The following DENND1B variants were observed in gnomAD, a reference collection of about 807,000 sequenced individuals.
DENND1B encodes the protein DENN domain-containing protein 1B.
A neutral mutation model predicts 90.1 loss-of-function variants in DENND1B; 59 were observed. That is an observed-to-expected ratio of 0.65 (90% CI 0.53 to 0.81). The LOEUF (loss-of-function observed/expected upper bound fraction) is 0.81. Among genes scored for constraint, DENND1B ranks in the 40% least tolerant of loss-of-function variants. The pLI, the probability that DENND1B is intolerant of heterozygous loss-of-function variation, is 0.00. For synonymous variants in DENND1B, 337 were observed against 324.6 expected (o/e 1.04, Z -0.41); for missense variants, 862 against 912.6 (o/e 0.94, Z 0.71).
chr1:197,713,760 A>ATATT (rs1558432424), intron 3 of DENND1B, among the ~76,000 whole-genome samples: 12 of 67,778 alleles, frequency 1.8e-4, no homozygotes, highest in African/African-American at 6.5e-4. Flanking sequence ...AAAAAAAAAT[A>ATATT]ATTATATTAT....
chr1:197,593,487 A>C (rs1675421979), intron 14 of DENND1B, among the ~76,000 whole-genome samples: 1 of 152,006 alleles, frequency 6.6e-6, no homozygotes. Context: ...CTAAGATAAA[A>C]TTAAACATTT....
chr1:197,726,478 C>T (rs1350047517), intron 2 of DENND1B, among the ~76,000 whole-genome samples: 2 of 152,132 alleles, frequency 1.3e-5, no homozygotes, highest in Non-Finnish European at 2.9e-5. Context: ...GGATATACTT[C>T]AAACAATGGG....
intron 2 of DENND1B, among the ~76,000 whole-genome samples, chr1:197,768,331 A>G (rs1356302119): frequency 6.6e-6 from 1 of 152,170 alleles, no homozygotes; most frequent in Non-Finnish European, 1.5e-5. Context: ...ATTAAAAAAG[A>G]GAAAGCTAGA....
intron 9 of DENND1B, among the ~76,000 whole-genome samples, chr1:197,643,748 T>G (rs1680489545): frequency 6.6e-6 from 1 of 152,224 alleles, no homozygotes; most frequent in African/African-American, 2.4e-5. Flanking sequence ...AATTGATTCC[T>G]TAATTTAGCA....
intron 15 of DENND1B, among the ~76,000 whole-genome samples, chr1:197,577,920 A>G (rs1673831746): frequency 6.6e-6 from 1 of 152,234 alleles, no homozygotes; most frequent in Non-Finnish European, 1.5e-5. Context: ...GAGGTTAAGA[A>G]GTCAACTGTC....
intron 22 of DENND1B, 87 bp downstream of exon 22, chr1:197,511,641 T>C (rs780790083): frequency 7.5e-5 from 78 of 1,040,086 alleles, no homozygotes; most frequent in Non-Finnish European, 1.0e-4. Flanking sequence ...TAAATGCTTC[T>C]ACCAACAAAG....
At chr1:197,512,775 C>G (rs1187099055) in intron 21 of DENND1B, 96 bp downstream of exon 21, 4 of 1,078,272 alleles carry the variant, frequency 3.7e-6, no homozygotes, top group Non-Finnish European at 5.4e-6. Flanking sequence ...AACATCTGAG[C>G]TCTAAGAGTG....
chr1:197,576,629 A>G (rs1361508892), intron 15 of DENND1B, among the ~76,000 whole-genome samples: 2 of 152,188 alleles, frequency 1.3e-5, no homozygotes, highest in African/African-American at 4.8e-5. Flanking sequence ...AATGTTTTGG[A>G]AAAATGCAGA....
chr1:197,722,995 C>T (rs1297574626), intron 2 of DENND1B, among the ~76,000 whole-genome samples: 1 of 152,058 alleles, frequency 6.6e-6, no homozygotes, highest in Non-Finnish European at 1.5e-5. Flanking sequence ...GTTTTTGAAA[C>T]TCAAACCTTA....
intron 20 of DENND1B, among the ~76,000 whole-genome samples, chr1:197,530,340 A>G (rs1158648328): frequency 6.6e-6 from 1 of 152,206 alleles, no homozygotes; most frequent in Non-Finnish European, 1.5e-5. Flanking sequence ...TCTCTCACTG[A>G]CAAGTCTAGC....
intron 14 of DENND1B, among the ~76,000 whole-genome samples, chr1:197,591,833 G>T (rs772692612): frequency 1.3e-5 from 2 of 151,984 alleles, no homozygotes; most frequent in Non-Finnish European, 2.9e-5. Flanking sequence ...TATCACGGCC[G>T]GGCGCGGTAG....
At position 197,642,522 on chromosome 1, in the gene DENND1B, T is replaced by C. The variant is rs541386465; in HGVS notation, c.672+189A>G. ...AGAAAAAATAATTAACCTGACTTAA[T>C]GCATCTGAGAAGGCTTCCTATAAAT... On this transcript the variant is annotated intron_variant, in intron 10 of 22. Coordinates refer to ENST00000620048, the MANE Select transcript of DENND1B (RefSeq NM_001195215.2). 3.3e-5 allele frequency among the ~76,000 whole-genome samples: 5 copies of C among 152,332 alleles called. No homozygotes were observed. The South Asian group carries it at 1.0e-3, about 32-fold the overall frequency.
At chr1:197,773,054 C>A in intron 1 of DENND1B, 122 bp from the exon 2 acceptor site, 19 of 791,148 alleles carry the variant, frequency 2.4e-5, no homozygotes, top group Non-Finnish European at 3.2e-5. Context: ...GACTGTATTA[C>A]TACAGTATAG....
At chr1:197,608,699 TAG>T (rs1262447658) in intron 12 of DENND1B, among the ~76,000 whole-genome samples, 3 of 150,550 alleles carry the variant, frequency 2.0e-5, no homozygotes, top group African/African-American at 7.3e-5. Flanking sequence ...AGTCTGTAAA[TAG>T]CCTAAGATAA....
At chr1:197,650,576 A>G (rs1013855907) in intron 7 of DENND1B, among the ~76,000 whole-genome samples, 5 of 152,234 alleles carry the variant, frequency 3.3e-5, no homozygotes, top group Admixed American at 3.3e-4. Flanking sequence ...ACACGTTTAT[A>G]GCAGCACAAT....
chr1:197,692,688 CA>C (rs1658028985), intron 3 of DENND1B, among the ~76,000 whole-genome samples: 3 of 151,646 alleles, frequency 2.0e-5, no homozygotes, highest in Non-Finnish European at 4.4e-5. Context: ...CTGGTTATAT[CA>C]AAAGGAGGAA....
chr1:197,591,099 T>C (rs528856224), intron 14 of DENND1B, among the ~76,000 whole-genome samples: 4 of 152,328 alleles, frequency 2.6e-5, no homozygotes, highest in Non-Finnish European at 5.9e-5. Flanking sequence ...TTTGAGAACA[T>C]GGTGAAAGAC....
intron 2 of DENND1B, among the ~76,000 whole-genome samples, chr1:197,733,783 T>C (rs1571544657): frequency 6.6e-6 from 1 of 152,196 alleles, no homozygotes; most frequent in African/African-American, 2.4e-5. Flanking sequence ...TATTTGACCA[T>C]ACGGTAAAAC....
intron 12 of DENND1B, among the ~76,000 whole-genome samples, chr1:197,610,904 A>G (rs1410524237): frequency 6.6e-6 from 1 of 150,912 alleles, no homozygotes; most frequent in African/African-American, 2.4e-5. Context: ...CAAATAAAAA[A>G]TGTTGCCCTA....
Sources: allele counts gnomAD v4.1 joint callset (sites outside exome capture counted in the v4.1 genomes callset), GRCh38; gene constraint gnomAD v4.1.1; transcripts MANE v1.5; gene names NCBI Gene and HGNC (gene_info 2026-07-23, HGNC 2026-07-21).